The following NBAS variants were observed in gnomAD, a reference collection of about 807,000 sequenced individuals.
NBAS encodes NAG/BC035112 fusion.
In NBAS, 219 loss-of-function variants were observed where a neutral mutation model predicts 302.5. The ratio of observed to expected loss-of-function variants is 0.72; its 90% confidence interval spans 0.65 to 0.81. The LOEUF is 0.81. NBAS is among the 30% of genes least tolerant of loss of function. NBAS has a pLI of 0.00. For synonymous variants in NBAS, 1,118 were observed against 1,021.6 expected (o/e 1.09, Z -1.80); for missense variants, 2,932 against 2,841.6 (o/e 1.03, Z -0.72).
At chr2:15,308,456 T>G in intron 39 of NBAS, 103 bp from the exon 40 acceptor site, 2 of 1,405,414 alleles carry the variant, frequency 1.4e-6, no homozygotes, top group South Asian at 1.2e-5. Flanking sequence ...TTGTACAAAG[T>G]TCCCATTACA....
At chr2:14,907,797 C>T in the NBAS span, 2 of 152,338 alleles carry the variant, frequency 1.3e-5, no homozygotes, top group Middle Eastern at 3.4e-3. Flanking sequence ...GGAGTTGGAT[C>T]GAATTGGACT....
At chr2:14,869,835 A>G in the NBAS span, among the ~76,000 whole-genome samples, 6 of 152,204 alleles carry the variant, frequency 3.9e-5, no homozygotes, top group Admixed American at 3.9e-4. Flanking sequence ...CTCTGTGGCC[A>G]TTGTGGACTT....
intron 9 of NBAS, among the ~76,000 whole-genome samples, chr2:15,530,587 A>C (rs769480309): frequency 6.6e-6 from 1 of 152,154 alleles, no homozygotes; most frequent in African/African-American, 2.4e-5. Flanking sequence ...CAATAAGTAC[A>C]TGTATTTATA....
the NBAS span, among the ~76,000 whole-genome samples, chr2:14,854,865 G>A: frequency 6.6e-6 from 1 of 152,150 alleles, no homozygotes; most frequent in Non-Finnish European, 1.5e-5. Flanking sequence ...CAACTCATAG[G>A]TGAGTCCTAG....
the NBAS span, among the ~76,000 whole-genome samples, chr2:15,025,456 TG>T: frequency 6.6e-6 from 1 of 152,166 alleles, no homozygotes; most frequent in African/African-American, 2.4e-5. Flanking sequence ...GGGCTTTTTT[TG>T]TTCCATATGA....
chr2:15,426,041 T>G (rs1218887949), intron 22 of NBAS, among the ~76,000 whole-genome samples: 1 of 152,102 alleles, frequency 6.6e-6, no homozygotes, highest in East Asian at 1.9e-4. Flanking sequence ...CTCTCCCCAG[T>G]CTCCTCTTCA....
At chr2:15,370,277 C>T (rs1674419130) in intron 31 of NBAS, among the ~76,000 whole-genome samples, 4 of 152,072 alleles carry the variant, frequency 2.6e-5, no homozygotes, top group Admixed American at 2.6e-4. Flanking sequence ...ACATTGGAAA[C>T]AATACCACCA....
the NBAS span, among the ~76,000 whole-genome samples, chr2:15,056,567 T>C: frequency 6.6e-6 from 1 of 152,190 alleles, no homozygotes; most frequent in African/African-American, 2.4e-5. Flanking sequence ...ATCTGTATTT[T>C]ACCTGGGAAA....
the NBAS span, among the ~76,000 whole-genome samples, chr2:15,036,096 G>A: frequency 1.3e-5 from 2 of 152,120 alleles, no homozygotes; most frequent in Non-Finnish European, 2.9e-5. Flanking sequence ...ACAGAAAGAA[G>A]AATTGCCCTT....
At chr2:15,528,415 ATAT>A (rs1282095632) in intron 9 of NBAS, among the ~76,000 whole-genome samples, 2 of 147,636 alleles carry the variant, frequency 1.4e-5, no homozygotes, top group African/African-American at 4.9e-5. Context: ...TATATTATTT[ATAT>A]TATGTTTATA....
chr2:15,513,949 T>G (rs1016380837), intron 9 of NBAS, among the ~76,000 whole-genome samples: 5 of 152,264 alleles, frequency 3.3e-5, no homozygotes, highest in African/African-American at 1.2e-4. Flanking sequence ...ATTGTGCCAC[T>G]GAACCCCAGC....
intron 38 of NBAS, among the ~76,000 whole-genome samples, chr2:15,325,027 T>C (rs936475776): frequency 6.6e-6 from 1 of 152,156 alleles, no homozygotes; most frequent in African/African-American, 2.4e-5. Context: ...CTAGAAAATA[T>C]CAGAAGCCTT....
chr2:15,151,745 C>A, the NBAS span, among the ~76,000 whole-genome samples: 2 of 152,204 alleles, frequency 1.3e-5, no homozygotes, highest in South Asian at 4.1e-4. Context: ...CAGTTTGATT[C>A]ATGGGGGCTC....
intron 11 of NBAS, among the ~76,000 whole-genome samples, chr2:15,499,000 C>A (rs1024811425): frequency 6.6e-6 from 1 of 150,684 alleles, no homozygotes; most frequent in African/African-American, 2.4e-5. Context: ...CGATTCTTGG[C>A]TCACTGTAAC....
chr2:15,269,900 T>G (rs896274071), intron 44 of NBAS, among the ~76,000 whole-genome samples: 1 of 152,178 alleles, frequency 6.6e-6, no homozygotes, highest in Non-Finnish European at 1.5e-5. Context: ...TACTCCAAAT[T>G]ATAGGCTATT....
intron 21 of NBAS, among the ~76,000 whole-genome samples, chr2:15,457,332 C>A (rs1313472268): frequency 6.6e-6 from 1 of 152,048 alleles, no homozygotes; most frequent in Non-Finnish European, 1.5e-5. Flanking sequence ...AAGAAAAGAG[C>A]AAAATGAAAC....
chr2:14,969,347 C>G, the NBAS span, among the ~76,000 whole-genome samples: 1 of 151,966 alleles, frequency 6.6e-6, no homozygotes, highest in Non-Finnish European at 1.5e-5. Flanking sequence ...GTGAGCTGTA[C>G]AGTATGAAAA....
intron 12 of NBAS, among the ~76,000 whole-genome samples, chr2:15,478,687 A>G (rs540051531): frequency 7.9e-5 from 12 of 152,298 alleles, no homozygotes; most frequent in African/African-American, 2.9e-4. Context: ...TTAATTTTCA[A>G]AGCTTTGAGA....
At chr2:15,406,596 C>T (rs1038047748) in intron 25 of NBAS, among the ~76,000 whole-genome samples, 1 of 151,928 alleles carries the variant, frequency 6.6e-6, no homozygotes, top group Non-Finnish European at 1.5e-5. Context: ...TTGTATGACA[C>T]AATAAACAAA....
Sources: gnomAD v4.1 joint callset for allele counts (sites outside exome capture counted in the v4.1 genomes callset) on GRCh38, gnomAD v4.1.1 for gene constraint, MANE v1.5 for transcripts, NCBI Gene and HGNC (gene_info 2026-07-23, HGNC 2026-07-21) for gene names.